The following HTR4 variants were observed in gnomAD, a reference collection of about 807,000 sequenced individuals.
HTR4 encodes the protein 5-hydroxytryptamine (serotonin) receptor 4, G protein-coupled.
Under a neutral mutation model 36.8 loss-of-function variants are expected in HTR4, and 16 were observed. That is an observed-to-expected ratio of 0.43 (90% confidence interval 0.29 to 0.66). HTR4 has a LOEUF of 0.66. Ranked by LOEUF, HTR4 falls within the 30% of genes least tolerant of loss-of-function variation. HTR4 has a pLI of 0.13. For synonymous variants in HTR4, 189 were observed against 185.1 expected, an observed-to-expected ratio of 1.02 and a Z score of -0.17; for missense variants, 438 against 490.9, an observed-to-expected ratio of 0.89 and a Z score of 1.02.
intron 6 of HTR4, among the ~76,000 whole-genome samples, chr5:148,485,810 G>C (rs1008494828): frequency 2.6e-5 from 4 of 152,190 alleles, no homozygotes; most frequent in African/African-American, 9.7e-5. Context: ...GAAAAGATCA[G>C]AGCTAAAGAA....
intron 5 of HTR4, among the ~76,000 whole-genome samples, chr5:148,470,590 C>T (rs1267873083): frequency 6.6e-6 from 1 of 152,196 alleles, no homozygotes; most frequent in Non-Finnish European, 1.5e-5. Flanking sequence ...TACCCCTTTA[C>T]AAATGCAGAA....
At chr5:148,619,380 T>C (rs1752828023) in intron 2 of HTR4, among the ~76,000 whole-genome samples, 1 of 152,182 alleles carries the variant, frequency 6.6e-6, no homozygotes, top group Non-Finnish European at 1.5e-5. Context: ...ATTAAGATAC[T>C]TTATTAAATT....
In HTR4 at chr5:148,490,317, C is replaced by T. The variant is rs180688651; in HGVS notation, c.1077-7024G>A. The stretch of plus-strand genomic sequence containing the variant: ...ACTAAGCATCTATGGAGATATTTCT[C>T]CTTTGGAAATGTCTACATTTTCTAC... On this transcript the variant is annotated intron_variant, in intron 6 of 6. Transcript: ENST00000377888. 2.5e-3 allele frequency among the ~76,000 whole-genome samples: 374 copies of T among 151,820 alleles called. 3 individuals carry two copies. The highest frequency in any genetic ancestry group is 8.2e-3 in the African/African-American group (340 of 41,386).
At chr5:148,503,883 A>G (rs1314693972) in intron 6 of HTR4, among the ~76,000 whole-genome samples, 6 of 152,224 alleles carry the variant, frequency 3.9e-5, no homozygotes, top group Non-Finnish European at 8.8e-5. Context: ...AACAAAGATC[A>G]AAAGAGACAA....
intron 2 of HTR4, among the ~76,000 whole-genome samples, chr5:148,562,766 T>G (rs1305531171): frequency 1.3e-5 from 2 of 152,186 alleles, no homozygotes; most frequent in African/African-American, 4.8e-5. Flanking sequence ...AGGTTAAAAA[T>G]TTGGAAGCCA....
intron 2 of HTR4, among the ~76,000 whole-genome samples, chr5:148,576,119 A>AACAAACAAC (rs1197233467): frequency 5.2e-5 from 7 of 135,662 alleles, no homozygotes; most frequent in African/African-American, 1.6e-4. Context: ...TCAAAAAAAA[A>AACAAACAAC]AAAAAAAAAA....
chr5:148,582,667 C>T (rs1042430663), intron 2 of HTR4, among the ~76,000 whole-genome samples: 2 of 152,044 alleles, frequency 1.3e-5, no homozygotes, highest in African/African-American at 4.8e-5. Context: ...ATTAGGTCTC[C>T]AATAATTATT....
In HTR4 at chr5:148,646,456, A is replaced by G. The variant is rs1434369660; in HGVS notation, c.-48+7606T>C. On this transcript the variant is annotated intron_variant, in intron 1 of 6. Transcript: ENST00000377888. ...TATCATGTGCTAATGATCATATCCA[A>G]TTAAACATGCCAGTGCAATCTCAAA... 3 of 152,356 alleles carry G rather than the reference A, an allele frequency of 2.0e-5. No homozygotes were observed. The East Asian group carries it at 5.8e-4, about 29-fold the overall frequency. 9.4% of individuals were successfully genotyped at this position (152,356 alleles called of 1,614,324 possible).
rs1755470069 is a variant in HTR4, at chr5:148,467,921, A to G, written c.1077-16649T>C. 2.0e-5 allele frequency among the ~76,000 whole-genome samples: 3 copies of G among 152,214 alleles called. No homozygotes were observed. In the South Asian group the frequency reaches 6.2e-4, roughly 31 times the overall value. ...AAACCCTTGAGGTTGGTATGGTGAA[A>G]AGGAGTGTTACACATTTCCCCCAAA... On this transcript the variant is annotated intron_variant, in intron 5 of 5. Transcript: ENST00000521530.
At chr5:148,630,632 CA>C (rs1753290073) in intron 2 of HTR4, among the ~76,000 whole-genome samples, 1 of 152,014 alleles carries the variant, frequency 6.6e-6, no homozygotes, top group Non-Finnish European at 1.5e-5. Context: ...TTGAAACAAT[CA>C]AGAAACTTAT....
chr5:148,644,422 GTTTTTTTTTT>G (rs1175588280), intron 1 of HTR4, among the ~76,000 whole-genome samples: 2,124 of 40,514 alleles, frequency 0.052, 24 homozygotes, highest in South Asian at 0.14. Context: ...AAGCTCACAA[GTTTTTTTTTT>G]TTTTTTTTTT....
intron 5 of HTR4, among the ~76,000 whole-genome samples, chr5:148,516,679 C>G (rs1221598829): frequency 6.6e-6 from 1 of 150,722 alleles, no homozygotes; most frequent in Non-Finnish European, 1.5e-5. Flanking sequence ...TCTAGATTGC[C>G]TATGAGACTG....
chr5:148,546,690 C>T (rs958928725), intron 4 of HTR4, among the ~76,000 whole-genome samples: 22 of 152,172 alleles, frequency 1.4e-4, no homozygotes, highest in African/African-American at 5.1e-4. Context: ...TTACACAGGC[C>T]TTGAGGTTAC....
At chr5:148,557,583 A>T (rs1359408821) in intron 2 of HTR4, among the ~76,000 whole-genome samples, 2 of 151,976 alleles carry the variant, frequency 1.3e-5, no homozygotes, top group African/African-American at 2.4e-5. Context: ...GGATGTGATC[A>T]CCCAAGAAGA....
intron 4 of HTR4, among the ~76,000 whole-genome samples, chr5:148,544,661 CA>C (rs1215959926): frequency 2.0e-5 from 3 of 152,228 alleles, no homozygotes; most frequent in Admixed American, 2.0e-4. Context: ...CTATATGGTG[CA>C]TTTATTTTAA....
intron 2 of HTR4, among the ~76,000 whole-genome samples, chr5:148,579,624 G>A (rs1413392302): frequency 6.6e-6 from 1 of 152,028 alleles, no homozygotes; most frequent in Non-Finnish European, 1.5e-5. Context: ...AGGGATCACT[G>A]CTGATCTCAT....
At chr5:148,584,404 A>G (rs931292525) in intron 2 of HTR4, among the ~76,000 whole-genome samples, 1 of 152,188 alleles carries the variant, frequency 6.6e-6, no homozygotes. Flanking sequence ...TGCCTAGTTT[A>G]TGACCTCCAA....
At chr5:148,487,642 T>C (rs988937261) in intron 6 of HTR4, among the ~76,000 whole-genome samples, 22 of 152,200 alleles carry the variant, frequency 1.4e-4, no homozygotes, top group Non-Finnish European at 3.1e-4. Context: ...CACAGGTGTA[T>C]GAGATTTCCC....
At chr5:148,579,248 C>T (rs1037440872) in intron 2 of HTR4, among the ~76,000 whole-genome samples, 2 of 152,072 alleles carry the variant, frequency 1.3e-5, no homozygotes, top group Admixed American at 1.3e-4. Flanking sequence ...TTGAGTTGCA[C>T]ATAGCATATG....
Sources: allele counts gnomAD v4.1 joint callset (sites outside exome capture counted in the v4.1 genomes callset), GRCh38; gene constraint gnomAD v4.1.1; transcripts MANE v1.5; gene names NCBI Gene and HGNC (gene_info 2026-07-23, HGNC 2026-07-21).